SPPL3: variants seen among roughly 807,000 people sequenced by gnomAD.
SPPL3 encodes signal peptide peptidase-like 3.
Under a neutral mutation model 42.4 loss-of-function variants are expected in SPPL3, and 5 were observed. The observed-to-expected ratio is 0.12, with a 90% CI of 0.06 to 0.25. SPPL3 has a LOEUF of 0.25. Ranked by LOEUF, SPPL3 falls within the 10% of genes least tolerant of loss-of-function variation. SPPL3 has a pLI of 1.00. For missense variants in SPPL3, 235 were observed against 489.0 expected (o/e 0.48, Z 4.90); for synonymous variants, 195 against 181.8 (o/e 1.07, Z -0.58).
chr12:120,795,958 G>A (rs1301267662), intron 2 of SPPL3, among the ~76,000 whole-genome samples: 1 of 151,962 alleles, frequency 6.6e-6, no homozygotes, highest in East Asian at 1.9e-4. Flanking sequence ...TTCCATTACT[G>A]TGCCTTCAAG....
At chr12:120,812,167 C>T (rs1177406348) in intron 1 of SPPL3, among the ~76,000 whole-genome samples, 1 of 149,594 alleles carries the variant, frequency 6.7e-6, no homozygotes, top group Non-Finnish European at 1.5e-5. Flanking sequence ...CAGAGTCTTG[C>T]TCTGTTACCC....
intron 1 of SPPL3, among the ~76,000 whole-genome samples, chr12:120,871,937 G>A (rs973337481): frequency 6.6e-6 from 1 of 152,058 alleles, no homozygotes; most frequent in African/African-American, 2.4e-5. Context: ...GGATTTTTCC[G>A]ATTTTGGAAT....
chr12:120,853,984 A>G (rs1283720307), intron 1 of SPPL3, among the ~76,000 whole-genome samples: 3 of 1,612 alleles, frequency 1.9e-3, no homozygotes, highest in African/African-American at 3.4e-3. Flanking sequence ...ACGCACACAT[A>G]CACACACACA....
intron 1 of SPPL3, among the ~76,000 whole-genome samples, chr12:120,858,863 C>T (rs1002376123): frequency 3.3e-5 from 5 of 152,174 alleles, no homozygotes; most frequent in East Asian, 3.9e-4. Context: ...AAATGTGAGC[C>T]GAGAATTTAT....
intron 1 of SPPL3, among the ~76,000 whole-genome samples, chr12:120,879,480 G>A (rs1387197389): frequency 1.3e-5 from 2 of 152,084 alleles, no homozygotes; most frequent in Non-Finnish European, 2.9e-5. Context: ...TTGTTAACAC[G>A]CTGAGCAAAC....
intron 3 of SPPL3, among the ~76,000 whole-genome samples, chr12:120,789,656 C>A (rs953666137): frequency 6.6e-6 from 1 of 150,996 alleles, no homozygotes; most frequent in Non-Finnish European, 1.5e-5. Context: ...GAAACCCCAT[C>A]TCTACTAAAA....
At chr12:120,885,649 C>T (rs1873430579) in intron 1 of SPPL3, among the ~76,000 whole-genome samples, 1 of 152,052 alleles carries the variant, frequency 6.6e-6, no homozygotes, top group Non-Finnish European at 1.5e-5. Context: ...CACTGATCAG[C>T]TATCCCTATC....
chr12:120,851,281 C>T (rs1315385602), intron 1 of SPPL3, among the ~76,000 whole-genome samples: 2 of 152,194 alleles, frequency 1.3e-5, no homozygotes, highest in African/African-American at 4.8e-5. Flanking sequence ...TCTCCTCCAC[C>T]AGGCTGCCTG....
intron 2 of SPPL3, among the ~76,000 whole-genome samples, chr12:120,803,154 T>C (rs931154815): frequency 7.9e-5 from 12 of 152,206 alleles, no homozygotes; most frequent in Non-Finnish European, 1.6e-4. Context: ...TCTTTTTAAA[T>C]CTGGCTGCTA....
At chr12:120,895,388 C>T (rs1873769269) in intron 1 of SPPL3, among the ~76,000 whole-genome samples, 1 of 150,888 alleles carries the variant, frequency 6.6e-6, no homozygotes, top group African/African-American at 2.4e-5. Context: ...GATCGCGCCA[C>T]TGTACTCCAG....
At chr12:120,816,287 TAA>T (rs994644455) in intron 1 of SPPL3, among the ~76,000 whole-genome samples, 13 of 152,222 alleles carry the variant, frequency 8.5e-5, no homozygotes, top group African/African-American at 3.1e-4. Context: ...TCTTCTAACT[TAA>T]GTTTTGTTTT....
At chr12:120,877,108 A>C (rs1470776223) in intron 1 of SPPL3, among the ~76,000 whole-genome samples, 1 of 152,220 alleles carries the variant, frequency 6.6e-6, no homozygotes, top group Non-Finnish European at 1.5e-5. Flanking sequence ...GACTACGTAG[A>C]TGAAATGGAA....
chr12:120,823,205 T>C (rs1230262759), intron 1 of SPPL3, among the ~76,000 whole-genome samples: 1 of 22,172 alleles, frequency 4.5e-5, no homozygotes, highest in East Asian at 8.4e-4. Context: ...GGAGAGTGTG[T>C]GTGTGGGGGT....
chr12:120,878,195 T>G (rs117474738), intron 1 of SPPL3, among the ~76,000 whole-genome samples: 1 of 152,314 alleles, frequency 6.6e-6, no homozygotes, highest in East Asian at 1.9e-4. Flanking sequence ...TGGTAATTAA[T>G]GTAGTATTTA....
Position 120,768,311 on chromosome 12 carries a change from G to C in SPPL3, c.773+14C>G. 6.2e-7 allele frequency: 1 copy of C among 1,609,104 alleles called. No individual in the cohort carries two copies. Among genetic ancestry groups the C allele is most frequent in the Non-Finnish European group, 8.5e-7 (1 of 1,176,910 alleles). On this transcript the variant is annotated intron_variant, in intron 8 of 10. Transcript: ENST00000353487. ...AGGAAGACAGTGTGGTCCTGTCATAGCATGAGGTCTTACCTTGGGAAGACC... is the reference window on the plus strand; with the variant it reads ...AGGAAGACAGTGTGGTCCTGTCATACCATGAGGTCTTACCTTGGGAAGACC...
chr12:120,886,676 C>A (rs1873469106), intron 1 of SPPL3, among the ~76,000 whole-genome samples: 1 of 152,156 alleles, frequency 6.6e-6, no homozygotes, highest in Non-Finnish European at 1.5e-5. Context: ...CCTCTAAACA[C>A]CCTCTTCCCC....
At chr12:120,870,407 C>G (rs1271464931) in intron 1 of SPPL3, among the ~76,000 whole-genome samples, 2 of 152,030 alleles carry the variant, frequency 1.3e-5, no homozygotes, top group African/African-American at 4.8e-5. Context: ...ATTGAGCACT[C>G]CAGCCTGGGC....
intron 1 of SPPL3, among the ~76,000 whole-genome samples, chr12:120,820,563 G>A (rs1374846251): frequency 2.6e-5 from 4 of 152,028 alleles, no homozygotes; most frequent in East Asian, 1.9e-4. Context: ...TGATCTGCCC[G>A]CCTCGGCCTC....
chr12:120,788,405 G>C (rs887573003), intron 3 of SPPL3, among the ~76,000 whole-genome samples: 8 of 152,036 alleles, frequency 5.3e-5, no homozygotes, highest in African/African-American at 1.9e-4. Context: ...AAATACCCTA[G>C]GGCACCCTGC....
Sources: gnomAD v4.1 joint callset for allele counts (sites outside exome capture counted in the v4.1 genomes callset) on GRCh38, gnomAD v4.1.1 for gene constraint, MANE v1.5 for transcripts, NCBI Gene and HGNC (gene_info 2026-07-23, HGNC 2026-07-21) for gene names.